CSNK1G2: variants seen among roughly 807,000 people sequenced by gnomAD.
CSNK1G2 encodes the protein casein kinase I isoform gamma-2.
Under a neutral mutation model 48.0 loss-of-function variants are expected in CSNK1G2, and 11 were observed. The observed-to-expected ratio is 0.23, with a 90% CI of 0.14 to 0.38. The LOEUF (loss-of-function observed/expected upper bound fraction) is 0.38, where lower values mean the gene tolerates loss of function less well. Ranked by LOEUF, CSNK1G2 falls within the 10% of genes least tolerant of loss-of-function variation. CSNK1G2 has a pLI of 1.00. For missense variants in CSNK1G2, 446 were observed against 595.5 expected, an observed-to-expected ratio of 0.75 and a Z score of 2.61; for synonymous variants, 337 against 254.1, an observed-to-expected ratio of 1.33 and a Z score of -3.10.
At chr19:1,961,303 T>G (rs2015191821) in intron 1 of CSNK1G2, among the ~76,000 whole-genome samples, 1 of 152,208 alleles carries the variant, frequency 6.6e-6, no homozygotes, top group African/African-American at 2.4e-5. Flanking sequence ...GGTGGAGGAC[T>G]TGAGGCCGGC....
chr19:1,977,429 G>T (rs740051), intron 2 of CSNK1G2, among the ~76,000 whole-genome samples: 30,189 of 152,050 alleles, frequency 0.2, 4,668 homozygotes, highest in African/African-American at 0.44. Context: ...AGGGCTGGCC[G>T]CCTCCTTCCT....
rs1599297925 is a variant in CSNK1G2 at position 1,957,013 on chromosome 19, A to T, written c.-265-12495A>T. On this transcript the variant is annotated intron_variant, in intron 1 of 11. Coordinates refer to ENST00000255641, the MANE Select transcript of CSNK1G2 (RefSeq NM_001319.7). This position sits in a 1 kb window ranked among gnomAD's most constrained non-coding sequence, Gnocchi z 5.4. ...GAGGGAGGAGGAGGGGATTCTGCAGAGGGAAGGCTGGTGGTGGCGCCCCCC... is the reference window on the plus strand; with the variant it reads ...GAGGGAGGAGGAGGGGATTCTGCAGTGGGAAGGCTGGTGGTGGCGCCCCCC... Among the ~76,000 whole-genome samples the T allele has an allele frequency of 1.3e-5, 2 of 152,262 alleles. No individual in the cohort carries two copies. The highest frequency in any genetic ancestry group is 1.3e-4 in the Admixed American group (2 of 15,286).
At position 1,979,928 on chromosome 19, in the gene CSNK1G2, C is replaced by T. The variant is rs372165892; in HGVS notation, c.1104C>T (p.Asn368=). Residue 368 remains asparagine (N), a synonymous_variant, in exon 11 of 12, where the codon AAC becomes AAT. Transcript: ENST00000255641. ...HSKNQALNST[N]GELNADDPTA... is the part of the protein sequence containing the mutation. ...CCCACCAGGCGTTGAACTCCACCAACGGGGAGCTGAATGCGGACGACCCCA... is the reference window on the plus strand; with the variant it reads ...CCCACCAGGCGTTGAACTCCACCAATGGGGAGCTGAATGCGGACGACCCCA... 1.7e-5 allele frequency: 27 copies of T among 1,605,568 alleles called. No individual in the cohort carries two copies. Among genetic ancestry groups the T allele is most frequent in the African/African-American group, 5.4e-5 (4 of 74,758 alleles).
chr19:1,943,374 C>T (rs1011537477), intron 1 of CSNK1G2, among the ~76,000 whole-genome samples: 5 of 152,196 alleles, frequency 3.3e-5, no homozygotes, highest in African/African-American at 1.2e-4. Flanking sequence ...AGGCCGTTTG[C>T]AGGATGGCCC....
rs201184287 is a variant in CSNK1G2 at position 1,978,301 on chromosome 19, G to A, written c.188-4G>A. ...GGCGGTGCTGATGGTCTCTGTCCCCGCAGGAAAGAATCTCTATACAAATGA... is the reference window on the plus strand; with the variant it reads ...GGCGGTGCTGATGGTCTCTGTCCCCACAGGAAAGAATCTCTATACAAATGA... On this transcript the variant is annotated splice_polypyrimidine_tract_variant and splice_region_variant and intron_variant, in intron 2 of 11. Coordinates refer to ENST00000255641, the MANE Select transcript of CSNK1G2 (RefSeq NM_001319.7). This position sits in a 1 kb window ranked among gnomAD's most constrained non-coding sequence, Gnocchi z 7.3. 1.3e-4 allele frequency: 205 copies of A among 1,613,464 alleles called. No homozygotes were observed. Among genetic ancestry groups the A allele is most frequent in the Non-Finnish European group, 1.6e-4 (191 of 1,179,840 alleles).
At chr19:1,943,054 G>A (rs2014428071) in intron 1 of CSNK1G2, among the ~76,000 whole-genome samples, 1 of 152,172 alleles carries the variant, frequency 6.6e-6, no homozygotes, top group Non-Finnish European at 1.5e-5. Flanking sequence ...CTGCATGCAG[G>A]GGAGCCGGGT....
chr19:1,953,753 C>G (rs1000019331), intron 1 of CSNK1G2: 1 of 429,172 alleles, frequency 2.3e-6, no homozygotes, highest in Non-Finnish European at 4.8e-6. Flanking sequence ...GTCCCAGCTG[C>G]CATTGTGCAG....
rs1411487290 is a variant in CSNK1G2, at chr19:1,979,359, C to G, written c.809C>G (p.Thr270Ser). Reference sequence around the variant, plus strand: ...GAGCGGTACCAGAAGATCGGGGACACCAAACGCGCCACGCCCATCGAGGTG... The same window carrying G: ...GAGCGGTACCAGAAGATCGGGGACAGCAAACGCGCCACGCCCATCGAGGTG... ...LKERYQKIGD[T>S]KRATPIEVLC... Residue 270 changes from threonine (T) to serine (S), a missense_variant, in exon 8 of 12, where the codon ACC becomes AGC. Around this residue, in one of 2 missense-constraint regions of CSNK1G2, gnomAD observed 258 missense variants for 415.9 expected, o/e 0.62. Coordinates refer to ENST00000255641, the MANE Select transcript of CSNK1G2 (RefSeq NM_001319.7). 3 of 1,605,426 alleles carry G rather than the reference C, an allele frequency of 1.9e-6. No homozygotes were observed. Among genetic ancestry groups the G allele is most frequent in the East Asian group, 2.2e-5 (1 of 44,536 alleles).
chr19:1,970,013 C>T (rs943704338), intron 2 of CSNK1G2, 54 bp downstream of exon 2: 14 of 1,276,268 alleles, frequency 1.1e-5, no homozygotes, highest in African/African-American at 3.0e-5. Flanking sequence ...CAGGGCCGCC[C>T]CGAGTCACCG....
In CSNK1G2 at chr19:1,980,214, G is replaced by C. The variant is rs372453237; in HGVS notation, c.*11G>C. 29 of 1,612,572 alleles carry C rather than the reference G, an allele frequency of 1.8e-5. No individual in the cohort carries two copies. In the East Asian group the frequency reaches 6.5e-4, roughly 36 times the overall value. ...CAGCGACACAAGTGACCCTGGGCGC[G>C]TGCAGCCCCCTGAATCTTCTCCGTG... On this transcript the variant is annotated 3_prime_UTR_variant, in exon 12 of 12. Coordinates refer to ENST00000255641, the MANE Select transcript of CSNK1G2 (RefSeq NM_001319.7).
Position 1,980,376 on chromosome 19 carries a change from G to T in CSNK1G2, c.*173G>T. On this transcript the variant is annotated 3_prime_UTR_variant, in exon 12 of 12. Transcript: ENST00000255641. ...CAGGCGGCCCCACCCCCGGGACGTG[G>T]GGTCACTTCCTTCATGTAAGACTTT... 1 of 748,560 alleles carries T rather than the reference G, an allele frequency of 1.3e-6. No individual in the cohort carries two copies. Among genetic ancestry groups the T allele is most frequent in the Non-Finnish European group, 2.3e-6 (1 of 439,774 alleles). 46.4% of individuals were successfully genotyped at this position (748,560 alleles called of 1,614,324 possible).
intron 11 of CSNK1G2, 31 bp downstream of exon 11, chr19:1,980,048 G>T (rs376753385): frequency 3.3e-5 from 52 of 1,584,610 alleles, no homozygotes; most frequent in Non-Finnish European, 4.5e-5. Context: ...CTTCGGGGAG[G>T]TGGGGGTGCC....
At position 1,979,155 on chromosome 19, in the gene CSNK1G2, C is replaced by A. The variant is rs951919122; in HGVS notation, c.683-8C>A. On this transcript the variant is annotated splice_polypyrimidine_tract_variant and splice_region_variant and intron_variant, in intron 6 of 11. Coordinates refer to ENST00000255641, the MANE Select transcript of CSNK1G2 (RefSeq NM_001319.7). ...GACCCCGCTGAGGCTGCGCCCCTGT[C>A]CCCGCAGAGCAGAGCCGCCGCGACG... 5 of 1,528,508 alleles carry A rather than the reference C, an allele frequency of 3.3e-6. No homozygotes were observed. In the Admixed American group the frequency reaches 6.5e-5, roughly 20 times the overall value. The allele number at this position is 1,528,508 out of a possible 1,614,324, so 94.7% of individuals were successfully genotyped here.
intron 1 of CSNK1G2, among the ~76,000 whole-genome samples, chr19:1,965,921 T>C (rs2015351868): frequency 6.6e-6 from 1 of 152,166 alleles, no homozygotes; most frequent in South Asian, 2.1e-4. Context: ...CTCAGTCTCC[T>C]AAGTAGCTAG....
rs781390723 is a variant in CSNK1G2, at chr19:1,978,620, A to G, written c.317A>G (p.Tyr106Cys). ...LSATEGVPQV[Y>C]YFGPCGKYNA... ...GCCGCAGAGGGCGTCCCTCAGGTCTACTACTTCGGTCCGTGCGGGAAGTAC... is the reference window on the plus strand; with the variant it reads ...GCCGCAGAGGGCGTCCCTCAGGTCTGCTACTTCGGTCCGTGCGGGAAGTAC... The change falls in exon 5 of 12, where the codon TAC (tyrosine) becomes TGC (cysteine). Residue 106 changes from tyrosine (Y) to cysteine (C), a missense_variant. Tyr to Cys is a radical substitution (Grantham distance 194). This residue lies in a region of CSNK1G2 where 258 missense variants were observed against 415.9 expected (regional missense o/e 0.62). Coordinates refer to ENST00000255641, the MANE Select transcript of CSNK1G2 (RefSeq NM_001319.7). This position sits in a 1 kb window ranked among gnomAD's most constrained non-coding sequence, Gnocchi z 7.3. 1.9e-6 allele frequency: 3 copies of G among 1,601,148 alleles called. No individual in the cohort carries two copies. Among genetic ancestry groups the G allele is most frequent in the East Asian group, 2.3e-5 (1 of 44,336 alleles).
chr19:1,954,331 C>T, intron 1 of CSNK1G2: 1 of 199,678 alleles, frequency 5.0e-6, no homozygotes, highest in Non-Finnish European at 1.1e-5. Flanking sequence ...GCGCTGCAAC[C>T]CCTCATTTTC....
At chr19:1,953,375 G>C (rs764076938) in intron 1 of CSNK1G2, 3 of 533,624 alleles carry the variant, frequency 5.6e-6, no homozygotes, top group African/African-American at 3.9e-5. Context: ...CCTGGGTGGG[G>C]GTGTTCTCAC....
intron 1 of CSNK1G2, among the ~76,000 whole-genome samples, chr19:1,944,282 GGCCGTCTGAGTGAGGCCT>G (rs1361620162): frequency 1.3e-5 from 2 of 152,148 alleles, no homozygotes; most frequent in Non-Finnish European, 2.9e-5. Flanking sequence ...CTCTGTGCAA[GGCCGTCTGAGTGAGGCCT>G]GCAGTCTGGA....
rs537250403 is a variant in CSNK1G2 at position 1,949,290 on chromosome 19, C to T, written c.-266+7872C>T. ...CCTTCCCAAATTGAGACGCTGTCTT[C>T]GTGAAACGTTCACTCCCGTGCCCTC... On this transcript the variant is annotated intron_variant, in intron 1 of 11. Transcript: ENST00000255641. Among the ~76,000 whole-genome samples the T allele has an allele frequency of 3.3e-5, 5 of 152,292 alleles. No individual in the cohort carries two copies. In the South Asian group the frequency reaches 8.3e-4, roughly 25 times the overall value.
Sources: gnomAD v4.1 joint callset for allele counts (sites outside exome capture counted in the v4.1 genomes callset) on GRCh38, gnomAD v4.1.1 for gene constraint, gnomAD v4.1.1 regional missense constraint, Gnocchi (gnomAD v3.1) non-coding constraint, MANE v1.5 for transcripts, NCBI Gene and HGNC (gene_info 2026-07-23, HGNC 2026-07-21) for gene names.